SLC24A2: variants seen among roughly 807,000 people sequenced by gnomAD.
SLC24A2 encodes solute carrier family 24 member 2, also known as sodium/potassium/calcium exchanger 2.
In SLC24A2, 36 loss-of-function variants were observed where a neutral mutation model predicts 62.0. That is an observed-to-expected ratio of 0.58 (90% CI 0.44 to 0.77). The LOEUF (loss-of-function observed/expected upper bound fraction) is 0.77. Among genes scored for constraint, SLC24A2 ranks in the 30% least tolerant of loss-of-function variants. The pLI is 0.00. For synonymous variants in SLC24A2, 358 were observed against 294.0 expected (o/e 1.22, Z -2.23); for missense variants, 846 against 817.9 (o/e 1.03, Z -0.42).
the SLC24A2 span, among the ~76,000 whole-genome samples, chr9:20,008,418 A>G: frequency 2.0e-5 from 3 of 152,094 alleles, no homozygotes; most frequent in African/African-American, 4.8e-5. Flanking sequence ...TATTGGTTTT[A>G]GAGGATGGTG....
Position 19,528,172 on chromosome 9 carries a change from G to T in SLC24A2, c.1480-34C>A, listed in dbSNP as rs372731617. Reference sequence around the variant, plus strand: ...CAACCAGGAAGAGTTGAGAATATCAGTGTTATCCATTGAGACTGATCTGGA... The same window carrying T: ...CAACCAGGAAGAGTTGAGAATATCATTGTTATCCATTGAGACTGATCTGGA... On this transcript the variant is annotated intron_variant, in intron 8 of 10. Coordinates refer to ENST00000341998, the MANE Select transcript of SLC24A2 (RefSeq NM_020344.4). 15 of 1,380,240 alleles carry T rather than the reference G, an allele frequency of 1.1e-5. No individual in the cohort carries two copies. In the African/African-American group the frequency reaches 2.0e-4, roughly 18 times the overall value. 85.5% of individuals were successfully genotyped at this position (1,380,240 alleles called of 1,614,324 possible). A position where few individuals can be genotyped will look rare whatever the true frequency, so the allele number is the denominator to read the frequency against.
chr9:19,689,102 C>G (rs968778817), intron 2 of SLC24A2, among the ~76,000 whole-genome samples: 1 of 152,132 alleles, frequency 6.6e-6, no homozygotes, highest in Non-Finnish European at 1.5e-5. Context: ...TATTTCATCA[C>G]ATTTTCAATA....
chr9:19,863,456 C>T, the SLC24A2 span, among the ~76,000 whole-genome samples: 1 of 151,822 alleles, frequency 6.6e-6, no homozygotes, highest in Non-Finnish European at 1.5e-5. Flanking sequence ...AGAGAGAGAC[C>T]ATATGTTAGG....
chr9:19,799,172 T>C, the SLC24A2 span, among the ~76,000 whole-genome samples: 1 of 152,172 alleles, frequency 6.6e-6, no homozygotes, highest in Non-Finnish European at 1.5e-5. Context: ...CTCTTCTAAC[T>C]CATGCTTTTT....
At chr9:20,287,513 C>A in the SLC24A2 span, among the ~76,000 whole-genome samples, 1 of 152,054 alleles carries the variant, frequency 6.6e-6, no homozygotes, top group African/African-American at 2.4e-5. Context: ...GGGTTGGTAG[C>A]CTCTAGAAAA....
the SLC24A2 span, among the ~76,000 whole-genome samples, chr9:20,185,011 C>T: frequency 3.9e-5 from 6 of 152,208 alleles, no homozygotes; most frequent in East Asian, 1.2e-3. Context: ...ACAAATACTC[C>T]ATGATCTCAC....
At chr9:19,751,614 G>A (rs1821986517) in intron 2 of SLC24A2, among the ~76,000 whole-genome samples, 1 of 151,988 alleles carries the variant, frequency 6.6e-6, no homozygotes, top group African/African-American at 2.4e-5. Flanking sequence ...ATTTTTTGGG[G>A]AAAAAAGGGA....
intron 9 of SLC24A2, among the ~76,000 whole-genome samples, chr9:19,525,047 C>A (rs1194087835): frequency 2.6e-5 from 4 of 152,132 alleles, no homozygotes; most frequent in Non-Finnish European, 5.9e-5. Flanking sequence ...TGAAAACCAG[C>A]CCACCTTCTG....
At chr9:19,812,124 AT>A in the SLC24A2 span, among the ~76,000 whole-genome samples, 5 of 152,248 alleles carry the variant, frequency 3.3e-5, no homozygotes, top group South Asian at 4.1e-4. Flanking sequence ...CTGGTGAGAA[AT>A]TACTTTCCAT....
chr9:20,080,075 C>T, the SLC24A2 span, among the ~76,000 whole-genome samples: 2 of 152,110 alleles, frequency 1.3e-5, no homozygotes, highest in East Asian at 3.8e-4. Context: ...AGATTCAATG[C>T]CATCCCCATC....
chr9:19,976,578 C>T, the SLC24A2 span, among the ~76,000 whole-genome samples: 1 of 152,204 alleles, frequency 6.6e-6, no homozygotes, highest in Non-Finnish European at 1.5e-5. Flanking sequence ...CTCTTTTCTT[C>T]ATAAATTACC....
intron 8 of SLC24A2, among the ~76,000 whole-genome samples, chr9:19,545,588 T>C (rs1018286286): frequency 1.3e-5 from 2 of 152,126 alleles, no homozygotes; most frequent in Non-Finnish European, 2.9e-5. Flanking sequence ...TTGTAGTCAG[T>C]GACCTTCGGA....
chr9:19,964,929 T>A, the SLC24A2 span, among the ~76,000 whole-genome samples: 1 of 152,108 alleles, frequency 6.6e-6, no homozygotes, highest in Middle Eastern at 3.2e-3. Context: ...ACGGTCCTTT[T>A]TTTGCTTGAG....
At chr9:19,856,471 G>A in the SLC24A2 span, among the ~76,000 whole-genome samples, 1 of 152,046 alleles carries the variant, frequency 6.6e-6, no homozygotes, top group African/African-American at 2.4e-5. Flanking sequence ...TGGGGTTTTT[G>A]TGGGGTCTTT....
At chr9:19,798,459 T>C in the SLC24A2 span, among the ~76,000 whole-genome samples, 1 of 152,204 alleles carries the variant, frequency 6.6e-6, no homozygotes, top group African/African-American at 2.4e-5. Context: ...ACAATTTTTA[T>C]ATTAATTCAT....
rs999537531 is a variant in SLC24A2 at position 19,512,491 on chromosome 9, G to A, written c.*3662C>T. ...ACTGCCTGACTCAGTTTAGGTCCTGGGAAGCTGCATAAACACCATCTGATC... is the reference window on the plus strand; with the variant it reads ...ACTGCCTGACTCAGTTTAGGTCCTGAGAAGCTGCATAAACACCATCTGATC... On this transcript the variant is annotated 3_prime_UTR_variant, in exon 11 of 11. Transcript: ENST00000341998. 5 of 152,188 alleles carry A rather than the reference G, an allele frequency of 3.3e-5. No homozygotes were observed. The highest frequency in any genetic ancestry group is 1.2e-4 in the African/African-American group (5 of 41,428). The allele number at this position is 152,188 out of a possible 1,614,324, so 9.4% of individuals were successfully genotyped here.
At chr9:19,818,525 G>A in the SLC24A2 span, among the ~76,000 whole-genome samples, 11 of 152,096 alleles carry the variant, frequency 7.2e-5, no homozygotes, top group African/African-American at 2.4e-5. Context: ...CAAGATTAAT[G>A]TACACAAATC....
At chr9:20,272,067 C>T in the SLC24A2 span, among the ~76,000 whole-genome samples, 1 of 152,288 alleles carries the variant, frequency 6.6e-6, no homozygotes, top group Middle Eastern at 3.4e-3. Flanking sequence ...GGATAATTAT[C>T]CTGCAATGCT....
chr9:20,067,861 C>T, the SLC24A2 span, among the ~76,000 whole-genome samples: 3 of 152,104 alleles, frequency 2.0e-5, no homozygotes, highest in Non-Finnish European at 4.4e-5. Flanking sequence ...GCATATGTGT[C>T]TGTTTGGTGT....
Sources: allele counts gnomAD v4.1 joint callset (sites outside exome capture counted in the v4.1 genomes callset), GRCh38; gene constraint gnomAD v4.1.1; transcripts MANE v1.5; gene names NCBI Gene and HGNC (gene_info 2026-07-23, HGNC 2026-07-21).